C1orf185: variants seen among roughly 807,000 people sequenced by gnomAD.
C1orf185 encodes uncharacterized protein C1orf185.
A neutral mutation model predicts 16.1 loss-of-function variants in C1orf185; 13 were observed. The observed-to-expected ratio is 0.81, with a 90% CI of 0.53 to 1.28. C1orf185 has a LOEUF of 1.28. Ranked by LOEUF, C1orf185 falls within the 50% of genes most tolerant of loss-of-function variation. The pLI, the probability that C1orf185 is intolerant of heterozygous loss-of-function variation, is 0.00. For synonymous variants in C1orf185, 80 were observed against 76.9 expected (o/e 1.04, Z -0.21); for missense variants, 220 against 225.2 (o/e 0.98, Z 0.15).
rs1054010240 is a variant in C1orf185, at chr1:51,142,084, G to A, written c.259-3640G>A. On this transcript the variant is annotated intron_variant, in intron 3 of 4. Transcript: ENST00000371759. ...GCCACAGCACCCAGCCCAAATACTC[G>A]CTTATATTTTTAGAGCTTAGTTTTC... Among the ~76,000 whole-genome samples the A allele has an allele frequency of 6.6e-5, 10 of 151,838 alleles. No homozygotes were observed. In the East Asian group the frequency reaches 7.7e-4, roughly 12 times the overall value.
At position 51,142,938 on chromosome 1, in the gene C1orf185, A is replaced by G. The variant is rs578012189; in HGVS notation, c.259-2786A>G. Among the ~76,000 whole-genome samples the G allele has an allele frequency of 2.6e-5, 4 of 151,902 alleles. No individual in the cohort carries two copies. The East Asian group carries it at 7.8e-4, about 29-fold the overall frequency. ...ACCATCATGCCTGGCTAATTTTTGTATTTTTAGTAGAGATGTGGCTTCACC... is the reference window on the plus strand; with the variant it reads ...ACCATCATGCCTGGCTAATTTTTGTGTTTTTAGTAGAGATGTGGCTTCACC... On this transcript the variant is annotated intron_variant, in intron 3 of 4. Coordinates refer to ENST00000371759, the MANE Select transcript of C1orf185 (RefSeq NM_001136508.2).
intron 3 of C1orf185, among the ~76,000 whole-genome samples, chr1:51,133,262 C>G (rs1033711418): frequency 3.3e-5 from 5 of 152,064 alleles, no homozygotes; most frequent in African/African-American, 1.2e-4. Flanking sequence ...GACACAGTAG[C>G]AAGCTGGAAA....
At chr1:51,122,979 G>C (rs887599704) in intron 3 of C1orf185, among the ~76,000 whole-genome samples, 1 of 152,154 alleles carries the variant, frequency 6.6e-6, no homozygotes, top group Admixed American at 6.5e-5. Flanking sequence ...CTGAAACTGG[G>C]TAATTTATTA....
At chr1:51,149,542 G>A (rs1187144330), downstream of C1orf185, among the ~76,000 whole-genome samples, 1 of 152,124 alleles carries the variant, frequency 6.6e-6, no homozygotes, top group Non-Finnish European at 1.5e-5. Context: ...CCTGAAACCT[G>A]TTTTACTCTC....
chr1:51,149,147 C>CT (rs145072716), downstream of C1orf185, among the ~76,000 whole-genome samples: 1,979 of 151,032 alleles, frequency 0.013, 37 homozygotes, highest in African/African-American at 0.046. Flanking sequence ...TTTCTTTTTT[C>CT]TTTTTTTTCC....
At chr1:51,104,595 T>C (rs1038222530) in intron 1 of C1orf185, among the ~76,000 whole-genome samples, 1 of 152,128 alleles carries the variant, frequency 6.6e-6, no homozygotes, top group African/African-American at 2.4e-5. Context: ...GAAATAGAAG[T>C]TGTATGGAAG....
chr1:51,147,823 G>T lies in C1orf185; in HGVS notation c.*52G>T, dbSNP rs1170188056. On this transcript the variant is annotated 3_prime_UTR_variant, in exon 5 of 5. Coordinates refer to ENST00000371759, the MANE Select transcript of C1orf185 (RefSeq NM_001136508.2). Reference sequence around the variant, plus strand: ...GAAAATGTTCATGAAGAAACACAGAGGTTGAAATATAAAACCTTCAACATA... The same window carrying T: ...GAAAATGTTCATGAAGAAACACAGATGTTGAAATATAAAACCTTCAACATA... 7.2e-7 allele frequency: 1 copy of T among 1,388,924 alleles called. No homozygotes were observed. The highest frequency in any genetic ancestry group is 9.5e-7 in the Non-Finnish European group (1 of 1,050,226). 86.0% of individuals were successfully genotyped at this position (1,388,924 alleles called of 1,614,324 possible).
chr1:51,130,167 G>A (rs760219964), intron 3 of C1orf185, among the ~76,000 whole-genome samples: 10 of 152,164 alleles, frequency 6.6e-5, no homozygotes, highest in Non-Finnish European at 1.2e-4. Context: ...GTAGAGATAA[G>A]TTTTCATTTC....
chr1:51,150,695 T>C (rs371720865), downstream of C1orf185, among the ~76,000 whole-genome samples: 4 of 152,346 alleles, frequency 2.6e-5, no homozygotes, highest in East Asian at 7.7e-4. Context: ...CAAGGTATCC[T>C]GCAATAGTTT....
At chr1:51,143,921 T>C (rs1460125000) in intron 3 of C1orf185, among the ~76,000 whole-genome samples, 1 of 152,166 alleles carries the variant, frequency 6.6e-6, no homozygotes. Flanking sequence ...AGCCATAAGC[T>C]TGGAGTTTCA....
chr1:51,106,168 T>G lies in C1orf185; in HGVS notation c.16+3919T>G, dbSNP rs115313503. 3.5e-3 allele frequency among the ~76,000 whole-genome samples: 539 copies of G among 152,248 alleles called. 5 individuals carry two copies. The highest frequency in any genetic ancestry group is 0.012 in the African/African-American group (513 of 41,538). On this transcript the variant is annotated intron_variant, in intron 1 of 4. Coordinates refer to ENST00000371759, the MANE Select transcript of C1orf185 (RefSeq NM_001136508.2). ...AATATAGAAGGTGCTACAAGGAGAC[T>G]TGTAATATCTAAATAGATGAGTCAG...
At chr1:51,109,874 G>T (rs1646103285) in intron 1 of C1orf185, among the ~76,000 whole-genome samples, 1 of 152,014 alleles carries the variant, frequency 6.6e-6, no homozygotes, top group South Asian at 2.1e-4. Flanking sequence ...GCTATTCAGG[G>T]TGTTTTGTGG....
At chr1:51,104,986 A>T (rs1206601244) in intron 1 of C1orf185, among the ~76,000 whole-genome samples, 1 of 149,530 alleles carries the variant, frequency 6.7e-6, no homozygotes, top group African/African-American at 2.5e-5. Context: ...TTTTTTTGAG[A>T]TGGAGTCTTG....
At chr1:51,150,955 G>A (rs1646427235), downstream of C1orf185, among the ~76,000 whole-genome samples, 1 of 152,184 alleles carries the variant, frequency 6.6e-6, no homozygotes, top group South Asian at 2.1e-4. Flanking sequence ...GGGAGCCACT[G>A]TCTCTGTCTT....
chr1:51,106,120 T>G (rs914427187), intron 1 of C1orf185, among the ~76,000 whole-genome samples: 3 of 152,210 alleles, frequency 2.0e-5, no homozygotes, highest in Non-Finnish European at 4.4e-5. Context: ...GAAAGCTAAG[T>G]GGGCTATAAA....
rs1041964113 is a variant in C1orf185 at position 51,103,208 on chromosome 1, C to T, written c.16+959C>T. Among the ~76,000 whole-genome samples the T allele has an allele frequency of 1.9e-4, 29 of 152,032 alleles. 1 individual carries two copies. The highest frequency in any genetic ancestry group is 4.2e-4 in the South Asian group (2 of 4,812). ...ATCCCTTGAGGCCAGGAGCTCAAGA[C>T]GAACCTGGGCAACATAGAGAGATTC... On this transcript the variant is annotated intron_variant, in intron 1 of 4. Transcript: ENST00000371759.
intron 3 of C1orf185, among the ~76,000 whole-genome samples, chr1:51,141,274 G>C (rs1646362445): frequency 6.6e-6 from 1 of 152,294 alleles, no homozygotes; most frequent in Non-Finnish European, 1.5e-5. Flanking sequence ...AGGATCACTT[G>C]AGCCCAAGAG....
chr1:51,108,985 G>A (rs994286289), intron 1 of C1orf185, among the ~76,000 whole-genome samples: 6 of 152,092 alleles, frequency 3.9e-5, no homozygotes, highest in African/African-American at 1.4e-4. Flanking sequence ...TTAGGTTTTT[G>A]AGAAAACTCC....
At chr1:51,108,748 C>A (rs1276438513) in intron 1 of C1orf185, among the ~76,000 whole-genome samples, 1 of 152,144 alleles carries the variant, frequency 6.6e-6, no homozygotes, top group Admixed American at 6.5e-5. Flanking sequence ...GCAAATGTTT[C>A]ATTTGTTATT....
Sources: gnomAD v4.1 joint callset for allele counts (sites outside exome capture counted in the v4.1 genomes callset) on GRCh38, gnomAD v4.1.1 for gene constraint, MANE v1.5 for transcripts, NCBI Gene and HGNC (gene_info 2026-07-23, HGNC 2026-07-21) for gene names.